SETX: variants seen among roughly 807,000 people sequenced by gnomAD.
SETX encodes the protein senataxin.
A neutral mutation model predicts 227.2 loss-of-function variants in SETX; 90 were observed. That is an observed-to-expected ratio of 0.40 (90% CI 0.33 to 0.47). The LOEUF is 0.47. SETX is among the 20% of genes least tolerant of loss of function. The pLI is 0.91. For synonymous variants in SETX, 1,210 were observed against 1,113.2 expected, an observed-to-expected ratio of 1.09 and a Z score of -1.73; for missense variants, 3,052 against 3,181.5, an observed-to-expected ratio of 0.96 and a Z score of 0.98.
At chr9:132,274,990 G>A (rs995489352) in intron 23 of SETX, 3 of 461,412 alleles carry the variant, frequency 6.5e-6, no homozygotes, top group African/African-American at 5.8e-5. Context: ...AACAAGTCAT[G>A]GAACTAAAAG....
At chr9:132,339,344 C>G (rs936380523) in intron 5 of SETX, among the ~76,000 whole-genome samples, 1 of 151,824 alleles carries the variant, frequency 6.6e-6, no homozygotes, top group African/African-American at 2.4e-5. Flanking sequence ...GCATGGTGAC[C>G]GAGGAAGGAG....
intron 15 of SETX, among the ~76,000 whole-genome samples, chr9:132,292,234 GC>G (rs1844364234): frequency 6.6e-6 from 1 of 151,862 alleles, no homozygotes; most frequent in Non-Finnish European, 1.5e-5. Flanking sequence ...CTTGAAGCCA[GC>G]CTGGGCAACA....
chr9:132,289,154 C>G (rs1331099827), intron 15 of SETX, among the ~76,000 whole-genome samples: 2 of 152,080 alleles, frequency 1.3e-5, no homozygotes, highest in South Asian at 4.1e-4. Flanking sequence ...TTCCCATGAC[C>G]AGAATGTGAC....
At chr9:132,303,643 A>G (rs548624684) in intron 11 of SETX, among the ~76,000 whole-genome samples, 95 of 152,226 alleles carry the variant, frequency 6.2e-4, no homozygotes, top group Middle Eastern at 3.4e-3. Context: ...TCCAGAATAT[A>G]TAAAGAACTG....
chr9:132,264,644 C>G lies in SETX; in HGVS notation c.7629G>C (p.Lys2543Asn), dbSNP rs1262653577. Residue 2543 changes from lysine to asparagine, a missense_variant, in exon 26 of 26, where the codon AAG becomes AAC. By Grantham distance (94) the Lys-to-Asn change is moderately conservative. This residue lies in a region of SETX where 294 missense variants were observed against 278.8 expected (regional missense o/e 1.05). Transcript: ENST00000224140. ...HDQLQDPRLL[K>N]RMGIEVKGGI... Reference sequence around the variant, plus strand: ...CTCCTTTGACCTCAATGCCCATCCTCTTCAGCAGTCGTGGGTCCTGAAGTT... The same window carrying G: ...CTCCTTTGACCTCAATGCCCATCCTGTTCAGCAGTCGTGGGTCCTGAAGTT... The G allele has an allele frequency of 1.2e-6, 2 of 1,614,110 alleles. No homozygotes were observed. Among genetic ancestry groups the G allele is most frequent in the African/African-American group, 2.7e-5 (2 of 74,934 alleles).
At chr9:132,291,609 AG>A (rs1230782645) in intron 15 of SETX, among the ~76,000 whole-genome samples, 1 of 152,210 alleles carries the variant, frequency 6.6e-6, no homozygotes, top group East Asian at 1.9e-4. Flanking sequence ...GGGAATGTTA[AG>A]AGAAATCCCT....
rs935736743 is a variant in SETX at position 132,353,732 on chromosome 9, G to A, written c.-91C>T. 1 of 152,168 alleles carries A rather than the reference G, an allele frequency of 6.6e-6. No individual in the cohort carries two copies. The highest frequency in any genetic ancestry group is 1.5e-5 in the Non-Finnish European group (1 of 68,054). 9.4% of individuals were successfully genotyped at this position (152,168 alleles called of 1,614,324 possible). On this transcript the variant is annotated 5_prime_UTR_variant, in exon 2 of 26. Coordinates refer to ENST00000224140, the MANE Select transcript of SETX (RefSeq NM_015046.7). ...ACGGATTTGCATTCATATATGCCCA[G>A]ACTCTGGCCCCAAAAGAACATTTCT...
intron 11 of SETX, among the ~76,000 whole-genome samples, chr9:132,301,271 T>C (rs1359450353): frequency 6.6e-6 from 1 of 151,882 alleles, no homozygotes; most frequent in East Asian, 1.9e-4. Flanking sequence ...GTATTTTTAG[T>C]AGAGATGGGG....
chr9:132,326,509 C>G lies in SETX; in HGVS notation c.5089G>C (p.Val1697Leu). The change falls in exon 10 of 26, where the codon GTC becomes CTC. Residue 1697 changes from valine (V) to leucine (L), a missense_variant. Physicochemically the swap from Val to Leu is conservative, Grantham distance 32 (BLOSUM62 1). Coordinates refer to ENST00000224140, the MANE Select transcript of SETX (RefSeq NM_015046.7). The stretch of plus-strand genomic sequence containing the variant: ...ACCTCTTTAACGAAGGTGTCAGAGA[C>G]AGACTGTGATGACAAAAGAATGTTT... The part of the protein sequence containing the change: ...PVNILLSSQS[V>L]SDTFVKEVLK... The G allele has an allele frequency of 6.2e-7, 1 of 1,614,140 alleles. No individual in the cohort carries two copies. Among genetic ancestry groups the G allele is most frequent in the Non-Finnish European group, 8.5e-7 (1 of 1,180,032 alleles).
rs754967293 is a variant in SETX, at chr9:132,331,468, T to C, written c.839-20A>G. The C allele has an allele frequency of 1.9e-6, 3 of 1,612,038 alleles. No individual in the cohort carries two copies. In the East Asian group the frequency reaches 6.7e-5, roughly 36 times the overall value. The stretch of plus-strand genomic sequence containing the variant: ...TATCATCTGAAATACAATGGCACAA[T>C]CGTTGAATTACTAAACAGTTAGAAA... On this transcript the variant is annotated intron_variant, in intron 7 of 25. Coordinates refer to ENST00000224140, the MANE Select transcript of SETX (RefSeq NM_015046.7).
intron 20 of SETX, among the ~76,000 whole-genome samples, chr9:132,279,568 T>C (rs1332012245): frequency 6.6e-6 from 1 of 152,218 alleles, no homozygotes; most frequent in Non-Finnish European, 1.5e-5. Context: ...TTTCACAAAC[T>C]ATGGGAGTGG....
chr9:132,324,046 T>G (rs1458039245), intron 10 of SETX, among the ~76,000 whole-genome samples: 3 of 152,224 alleles, frequency 2.0e-5, no homozygotes, highest in Non-Finnish European at 4.4e-5. Flanking sequence ...TTTTAAACTC[T>G]GTATATGTAC....
chr9:132,292,821 T>C (rs1589660519), intron 15 of SETX, among the ~76,000 whole-genome samples: 3 of 152,076 alleles, frequency 2.0e-5, no homozygotes, highest in African/African-American at 7.2e-5. Context: ...GTGTTTTCAG[T>C]AGAGACTGGG....
At chr9:132,271,958 C>T (rs1396633392) in intron 23 of SETX, 150 bp from the exon 24 acceptor site, 1 of 586,810 alleles carries the variant, frequency 1.7e-6, no homozygotes, top group East Asian at 3.5e-5. Context: ...TCTCAGTTCA[C>T]TGCAAGCTCT....
chr9:132,304,870 T>C (rs893604631), intron 11 of SETX, among the ~76,000 whole-genome samples: 1 of 151,688 alleles, frequency 6.6e-6, no homozygotes, highest in Non-Finnish European at 1.5e-5. Flanking sequence ...TGGTGGCACA[T>C]GCCATAATCC....
intron 15 of SETX, among the ~76,000 whole-genome samples, chr9:132,293,892 C>T (rs1008132015): frequency 1.3e-4 from 20 of 151,874 alleles, no homozygotes; most frequent in African/African-American, 1.2e-4. Context: ...GGTGTTGTGG[C>T]GGGCGCCTAT....
intron 23 of SETX, among the ~76,000 whole-genome samples, chr9:132,274,563 T>G (rs1843062168): frequency 6.6e-6 from 1 of 151,816 alleles, no homozygotes; most frequent in South Asian, 2.1e-4. Context: ...TACCTCAGCC[T>G]TCCGAGTAGC....
chr9:132,300,616 CATT>C lies in SETX; in HGVS notation c.5548+11_5548+13del, dbSNP rs1359237223. On this transcript the variant is annotated intron_variant, in intron 12 of 25. Coordinates refer to ENST00000224140, the MANE Select transcript of SETX (RefSeq NM_015046.7). ...TATCTGACATTTCCTGTCAATGCCTCATTATTTACTTACTGACTGACGTGCGGC... is the reference window on the plus strand; with the variant it reads ...TATCTGACATTTCCTGTCAATGCCTCATTTACTTACTGACTGACGTGCGGC... The C allele has an allele frequency of 1.2e-6, 2 of 1,612,812 alleles. No individual in the cohort carries two copies. The highest frequency in any genetic ancestry group is 8.5e-7 in the Non-Finnish European group (1 of 1,179,346).
intron 12 of SETX, among the ~76,000 whole-genome samples, chr9:132,299,052 C>T (rs1844837630): frequency 6.6e-6 from 1 of 152,218 alleles, no homozygotes; most frequent in Non-Finnish European, 1.5e-5. Flanking sequence ...TTAATGACAG[C>T]TTGGACCAGG....
Sources: allele counts gnomAD v4.1 joint callset (sites outside exome capture counted in the v4.1 genomes callset), GRCh38; gene constraint gnomAD v4.1.1; regional missense constraint gnomAD v4.1.1; transcripts MANE v1.5; gene names NCBI Gene and HGNC (gene_info 2026-07-23, HGNC 2026-07-21).